The following ASAP1 variants were observed in gnomAD, a reference collection of about 807,000 sequenced individuals.
ASAP1 encodes ArfGAP with SH3 domain, ankyrin repeat and PH domain 1.
A neutral mutation model predicts 145.2 loss-of-function variants in ASAP1; 43 were observed. The ratio of observed to expected loss-of-function variants is 0.30; its 90% CI spans 0.23 to 0.38. The LOEUF is 0.38. Ranked by LOEUF, ASAP1 falls within the 10% of genes least tolerant of loss-of-function variation. The pLI is 1.00. For synonymous variants in ASAP1, 546 were observed against 515.5 expected, an observed-to-expected ratio of 1.06 and a Z score of -0.80; for missense variants, 1,018 against 1,355.3, an observed-to-expected ratio of 0.75 and a Z score of 3.91.
At chr8:130,063,515 G>T (rs1004464062) in intron 27 of ASAP1, among the ~76,000 whole-genome samples, 2 of 152,172 alleles carry the variant, frequency 1.3e-5, no homozygotes. Flanking sequence ...GGGCCTCAGG[G>T]TACACTGGCC....
rs989589868 is a variant in ASAP1 at position 130,084,854 on chromosome 8, T to C, written c.2573-4883A>G. On this transcript the variant is annotated intron_variant, in intron 25 of 29. Coordinates refer to ENST00000518721, the MANE Select transcript of ASAP1 (RefSeq NM_018482.4). ...AAATATGCATGTCTCAGACATTTCATCTATGGAGCTTTTTTACCTGGAAGT... is the reference window on the plus strand; with the variant it reads ...AAATATGCATGTCTCAGACATTTCACCTATGGAGCTTTTTTACCTGGAAGT... 1.2e-4 allele frequency: 18 copies of C among 152,200 alleles called. 1 individual carries two copies. The highest frequency in any genetic ancestry group is 2.2e-4 in the Non-Finnish European group (15 of 68,054). 9.4% of individuals were successfully genotyped at this position (152,200 alleles called of 1,614,324 possible). A position where few individuals can be genotyped will look rare whatever the true frequency, so the allele number is the denominator to read the frequency against.
intron 3 of ASAP1, 47 bp from the exon 4 acceptor site, chr8:130,237,041 TA>T: frequency 2.9e-6 from 4 of 1,391,382 alleles, no homozygotes; most frequent in Non-Finnish European, 3.9e-6. Flanking sequence ...TTTGGTAAAT[TA>T]AAAAAATAAT....
intron 2 of ASAP1, among the ~76,000 whole-genome samples, chr8:130,371,265 C>CTA (rs1388668729): frequency 6.6e-6 from 1 of 152,146 alleles, no homozygotes; most frequent in Non-Finnish European, 1.5e-5. Context: ...AAGTGCTAGA[C>CTA]CTAGGGTGCT....
intron 5 of ASAP1, among the ~76,000 whole-genome samples, chr8:130,197,655 G>A (rs1394881469): frequency 6.6e-6 from 1 of 152,222 alleles, no homozygotes; most frequent in African/African-American, 2.4e-5. Flanking sequence ...TAGGGCAAGT[G>A]CCCTGATAGC....
At chr8:130,332,849 T>G (rs1370675145) in intron 3 of ASAP1, among the ~76,000 whole-genome samples, 1 of 152,016 alleles carries the variant, frequency 6.6e-6, no homozygotes, top group Non-Finnish European at 1.5e-5. Flanking sequence ...ATTTTATTTT[T>G]GTAAAAAAAA....
chr8:130,389,737 G>A (rs1032153023), intron 2 of ASAP1, among the ~76,000 whole-genome samples: 5 of 151,952 alleles, frequency 3.3e-5, no homozygotes, highest in East Asian at 1.9e-4. Flanking sequence ...GTCTCCTTCC[G>A]TTGCCTAGGC....
At chr8:130,085,560 C>CCTTG (rs1017917077) in intron 25 of ASAP1, among the ~76,000 whole-genome samples, 12 of 151,820 alleles carry the variant, frequency 7.9e-5, no homozygotes, top group African/African-American at 2.9e-4. Context: ...CATAGTAAGA[C>CCTTG]CTTGTCTCTA....
At chr8:130,244,572 C>T (rs1818733348) in intron 3 of ASAP1, among the ~76,000 whole-genome samples, 1 of 152,138 alleles carries the variant, frequency 6.6e-6, no homozygotes, top group Non-Finnish European at 1.5e-5. Flanking sequence ...TCTTTCTATG[C>T]ACTCATCCAC....
intron 8 of ASAP1, among the ~76,000 whole-genome samples, chr8:130,180,060 G>T (rs536709591): frequency 1.4e-5 from 2 of 147,554 alleles, no homozygotes; most frequent in African/African-American, 5.0e-5. Flanking sequence ...GAGGGAGGGA[G>T]GAGAAGGGGA....
intron 13 of ASAP1, among the ~76,000 whole-genome samples, chr8:130,144,671 A>G (rs1424277730): frequency 1.3e-5 from 2 of 152,190 alleles, no homozygotes; most frequent in Non-Finnish European, 2.9e-5. Context: ...TGTGGCCACA[A>G]CTAAAGCTCT....
chr8:130,174,962 T>C (rs1714608230), intron 9 of ASAP1, among the ~76,000 whole-genome samples: 2 of 152,236 alleles, frequency 1.3e-5, no homozygotes, highest in Admixed American at 1.3e-4. Flanking sequence ...TAAATATTCA[T>C]GTACACATTT....
intron 15 of ASAP1, among the ~76,000 whole-genome samples, chr8:130,128,782 G>A (rs932130481): frequency 6.6e-6 from 1 of 152,142 alleles, no homozygotes; most frequent in Non-Finnish European, 1.5e-5. Flanking sequence ...AACTAGGCCT[G>A]AAATAACCAC....
rs370204449 is a variant in ASAP1 at position 130,072,442 on chromosome 8, C to T, written c.2701+3906G>A. 7.7e-4 allele frequency among the ~76,000 whole-genome samples: 118 copies of T among 152,258 alleles called. 1 individual carries two copies. The South Asian group carries it at 0.024, about 32-fold the overall frequency. ...TTGGCTCTCATTTTTCTCTTGCCTG[C>T]TGCCATGTAAGACGTGCCTTTCGCC... On this transcript the variant is annotated intron_variant, in intron 27 of 29. Transcript: ENST00000518721.
intron 24 of ASAP1, among the ~76,000 whole-genome samples, chr8:130,110,974 T>C (rs2135576408): frequency 1.3e-5 from 2 of 152,162 alleles, no homozygotes; most frequent in East Asian, 3.9e-4. Context: ...TAGCTCTGGG[T>C]ACCTCTCAAT....
At chr8:130,175,100 T>C (rs1040133418) in intron 9 of ASAP1, among the ~76,000 whole-genome samples, 3 of 152,236 alleles carry the variant, frequency 2.0e-5, no homozygotes, top group Non-Finnish European at 4.4e-5. Context: ...CAAGACTTTT[T>C]TTGTTTTAAT....
chr8:130,166,102 G>C (rs530305436), intron 11 of ASAP1, among the ~76,000 whole-genome samples: 28 of 152,172 alleles, frequency 1.8e-4, no homozygotes, highest in African/African-American at 6.7e-4. Context: ...GCTTACTACA[G>C]CCTCCACTTC....
chr8:130,301,121 G>C (rs114835180), intron 3 of ASAP1, among the ~76,000 whole-genome samples: 2,366 of 152,280 alleles, frequency 0.016, 34 homozygotes, highest in East Asian at 0.053. Context: ...AGCATAAGCA[G>C]AGGACATGAG....
chr8:130,178,641 T>C (rs936257054), intron 9 of ASAP1, among the ~76,000 whole-genome samples: 1 of 151,976 alleles, frequency 6.6e-6, no homozygotes, highest in Non-Finnish European at 1.5e-5. Flanking sequence ...AATGGTGCAA[T>C]AATAGGCCAA....
intron 4 of ASAP1, among the ~76,000 whole-genome samples, chr8:130,218,277 C>A (rs897238808): frequency 5.3e-5 from 8 of 151,998 alleles, no homozygotes; most frequent in African/African-American, 1.9e-4. Flanking sequence ...TACCTGCTCC[C>A]AAGGGAAGCA....
Sources: allele counts gnomAD v4.1 joint callset (sites outside exome capture counted in the v4.1 genomes callset), GRCh38; gene constraint gnomAD v4.1.1; transcripts MANE v1.5; gene names NCBI Gene and HGNC (gene_info 2026-07-23, HGNC 2026-07-21).